The following HDAC8 variants were observed in gnomAD, a reference collection of about 807,000 sequenced individuals.
HDAC8 encodes the protein histone deacetylase 8, also known as histone deacetylase-like 1.
In HDAC8, 1 loss-of-function variant was observed where a neutral mutation model predicts 32.2. The observed-to-expected ratio is 0.03, with a 90% CI of 0.01 to 0.15. The LOEUF (loss-of-function observed/expected upper bound fraction) is 0.15. Ranked by LOEUF, HDAC8 falls within the 10% of genes least tolerant of loss-of-function variation. HDAC8 has a pLI of 1.00. For missense variants in HDAC8, 117 were observed against 300.0 expected (o/e 0.39, Z 4.51); for synonymous variants, 108 against 113.9 (o/e 0.95, Z 0.33).
chrX:72,416,115 C>T (rs2046325939), intron 9 of HDAC8, among the ~76,000 whole-genome samples: 1 of 110,999 alleles, frequency 9.0e-6, no homozygotes, highest in African/African-American at 3.3e-5. Context: ...GTGAATTTTT[C>T]TTTAAATGTT....
intron 9 of HDAC8, among the ~76,000 whole-genome samples, chrX:72,436,876 G>A (rs1291125833): frequency 1.8e-5 from 2 of 111,945 alleles, no homozygotes; most frequent in Non-Finnish European, 3.8e-5. Flanking sequence ...GATACTAGTA[G>A]ACTGTGATAA....
intron 9 of HDAC8, among the ~76,000 whole-genome samples, chrX:72,419,690 A>G (rs868924023): frequency 5.4e-5 from 6 of 111,588 alleles, no homozygotes; most frequent in African/African-American, 1.6e-4. Context: ...TCTTGATCTT[A>G]GAGGAAAAGT....
intron 7 of HDAC8, chrX:72,474,756 G>C (rs1281698238): frequency 1.1e-6 from 1 of 912,808 alleles, no homozygotes; most frequent in Admixed American, 2.7e-5. Context: ...CCAGAGTGGT[G>C]ACATTAATGA....
At chrX:72,415,912 G>A (rs2046321302) in intron 9 of HDAC8, among the ~76,000 whole-genome samples, 1 of 111,335 alleles carries the variant, frequency 9.0e-6, no homozygotes. Flanking sequence ...TATTTCTTCC[G>A]TTCTGTTTTT....
At chrX:72,483,288 C>T (rs1485420446) in intron 7 of HDAC8, among the ~76,000 whole-genome samples, 3 of 111,514 alleles carry the variant, frequency 2.7e-5, no homozygotes, top group Non-Finnish European at 5.6e-5. Flanking sequence ...GGAGGTAGGG[C>T]GTGGTGGAAG....
At chrX:72,477,732 G>A (rs782296279) in intron 7 of HDAC8, among the ~76,000 whole-genome samples, 1 of 112,492 alleles carries the variant, frequency 8.9e-6, no homozygotes, top group African/African-American at 3.2e-5. Context: ...TTTAAGTACT[G>A]CACATAGAAT....
chrX:72,368,314 C>T (rs1555955093), intron 9 of HDAC8, among the ~76,000 whole-genome samples: 1 of 110,001 alleles, frequency 9.1e-6, no homozygotes, highest in African/African-American at 3.3e-5. Context: ...TGCTAACTCC[C>T]CAAAGTCAGA....
chrX:72,440,423 G>C (rs1449690146), intron 9 of HDAC8, among the ~76,000 whole-genome samples: 5 of 110,751 alleles, frequency 4.5e-5, no homozygotes, highest in African/African-American at 1.6e-4. Flanking sequence ...AACTAGAGAA[G>C]CAAGAGTAAA....
At chrX:72,376,188 C>T (rs1443329408) in intron 9 of HDAC8, among the ~76,000 whole-genome samples, 5 of 110,001 alleles carry the variant, frequency 4.5e-5, no homozygotes, top group East Asian at 5.8e-4. Context: ...GGATCACAGG[C>T]GTGAGACGCT....
At chrX:72,535,248 G>A (rs1364400196) in intron 4 of HDAC8, among the ~76,000 whole-genome samples, 1 of 111,674 alleles carries the variant, frequency 9.0e-6, no homozygotes, top group African/African-American at 3.3e-5. Context: ...TATGTTTAAG[G>A]GCAGAAATGG....
intron 4 of HDAC8, among the ~76,000 whole-genome samples, chrX:72,560,257 C>T (rs1265427471): frequency 9.0e-6 from 1 of 111,379 alleles, no homozygotes; most frequent in East Asian, 2.8e-4. Context: ...AATCTATAAC[C>T]TTACCCCCAA....
At chrX:72,504,955 A>G (rs1359291994) in intron 4 of HDAC8, among the ~76,000 whole-genome samples, 1 of 111,311 alleles carries the variant, frequency 9.0e-6, no homozygotes, top group Non-Finnish European at 1.9e-5. Context: ...TTTCCTGATG[A>G]CTAATGATGT....
intron 4 of HDAC8, among the ~76,000 whole-genome samples, chrX:72,507,760 C>T (rs1333982721): frequency 1.8e-5 from 2 of 112,464 alleles, no homozygotes; most frequent in African/African-American, 6.5e-5. Flanking sequence ...GTTCTGCAAA[C>T]GTATTTCTGA....
At chrX:72,350,248 G>A (rs2044139666) in intron 10 of HDAC8, among the ~76,000 whole-genome samples, 1 of 111,631 alleles carries the variant, frequency 9.0e-6, no homozygotes, top group Non-Finnish European at 1.9e-5. Flanking sequence ...AGGGCTAAGG[G>A]ACGCCTCAGA....
chrX:72,435,776 T>C (rs1403696950), intron 9 of HDAC8, among the ~76,000 whole-genome samples: 1 of 111,083 alleles, frequency 9.0e-6, no homozygotes, highest in Non-Finnish European at 1.9e-5. Context: ...AAGACCAGCA[T>C]GGCCAACATG....
chrX:72,456,440 A>G (rs971319519), intron 9 of HDAC8, among the ~76,000 whole-genome samples: 1 of 111,933 alleles, frequency 8.9e-6, no homozygotes, highest in Non-Finnish European at 1.9e-5. Context: ...ACGCTGCTGT[A>G]AAGGTACTAT....
At chrX:72,514,005 G>T (rs1193268402) in intron 4 of HDAC8, among the ~76,000 whole-genome samples, 1 of 112,465 alleles carries the variant, frequency 8.9e-6, no homozygotes, top group Non-Finnish European at 1.9e-5. Context: ...GTTAGATGTG[G>T]TAGTATTGTT....
chrX:72,407,393 T>C (rs1555969025), intron 9 of HDAC8, among the ~76,000 whole-genome samples: 1 of 112,214 alleles, frequency 8.9e-6, no homozygotes, highest in Non-Finnish European at 1.9e-5. Flanking sequence ...AGGAAGCCTA[T>C]ACTAGAAGGA....
chrX:72,391,675 T>TA (rs782592502), intron 9 of HDAC8, among the ~76,000 whole-genome samples: 37 of 111,821 alleles, frequency 3.3e-4, no homozygotes, highest in Non-Finnish European at 5.5e-4. Context: ...CTAAATGCTT[T>TA]AATGAGCTTT....
Sources: allele counts gnomAD v4.1 joint callset (sites outside exome capture counted in the v4.1 genomes callset), GRCh38; gene constraint gnomAD v4.1.1; transcripts MANE v1.5; gene names NCBI Gene and HGNC (gene_info 2026-07-23, HGNC 2026-07-21).